JPH3: variants seen among roughly 807,000 people sequenced by gnomAD.
JPH3 encodes junctophilin-3.
A neutral mutation model predicts 59.6 loss-of-function variants in JPH3; 11 were observed. The observed-to-expected ratio is 0.18, with a 90% CI of 0.12 to 0.31. JPH3 has a LOEUF of 0.31. Ranked by LOEUF, JPH3 falls within the 10% of genes least tolerant of loss-of-function variation. JPH3 has a pLI of 1.00. For missense variants in JPH3, 1,202 were observed against 1,105.7 expected (o/e 1.09, Z -1.24); for synonymous variants, 673 against 483.6 (o/e 1.39, Z -5.14).
intron 2 of JPH3, chr16:87,654,926 T>A (rs2032443938): frequency 6.6e-6 from 1 of 152,242 alleles, no homozygotes; most frequent in Non-Finnish European, 1.5e-5. Context: ...CAAGAACGTG[T>A]GATAAATCCC....
intron 1 of JPH3, among the ~76,000 whole-genome samples, chr16:87,627,173 C>A (rs995168457): frequency 6.6e-6 from 1 of 152,140 alleles, no homozygotes; most frequent in Non-Finnish European, 1.5e-5. Flanking sequence ...GCCTCTTTGC[C>A]CTAGAGCCGT....
intron 4 of JPH3, chr16:87,694,507 C>T (rs969823275): frequency 2.6e-5 from 4 of 152,230 alleles, no homozygotes; most frequent in African/African-American, 9.6e-5. Flanking sequence ...AGAGGGAGTT[C>T]TCCGGGCAAG....
At chr16:87,641,189 T>G (rs2031938662) in intron 1 of JPH3, among the ~76,000 whole-genome samples, 1 of 152,154 alleles carries the variant, frequency 6.6e-6, no homozygotes, top group Non-Finnish European at 1.5e-5. Flanking sequence ...TGCAGTGGTG[T>G]TGTGGGGTCC....
At chr16:87,690,639 G>A in intron 4 of JPH3, 113 bp downstream of exon 4, 1 of 1,131,948 alleles carries the variant, frequency 8.8e-7, no homozygotes, top group South Asian at 2.6e-5. Flanking sequence ...TCCTCTCCAG[G>A]GGTGGAGTAG....
At chr16:87,687,131 G>A (rs887118195) in intron 3 of JPH3, among the ~76,000 whole-genome samples, 2 of 152,182 alleles carry the variant, frequency 1.3e-5, no homozygotes, top group African/African-American at 4.8e-5. Flanking sequence ...CAGGATCAGT[G>A]TTCCCAGACC....
rs531446512 is a variant in JPH3 at position 87,689,626 on chromosome 16, C to T, written c.1286-20C>T. ...TGTGCTGGGTAACGCCGTCTGGCGT[C>T]GTCTTGTGTCCCCATACAGGGCTGG... is the stretch of plus-strand genomic sequence containing the variant. On this transcript the variant is annotated intron_variant, in intron 3 of 4. Coordinates refer to ENST00000284262, the MANE Select transcript of JPH3 (RefSeq NM_020655.4). 5.6e-6 allele frequency: 9 copies of T among 1,608,544 alleles called. No individual in the cohort carries two copies. Among genetic ancestry groups the T allele is most frequent in the East Asian group, 4.5e-5 (2 of 44,570 alleles).
intron 1 of JPH3, among the ~76,000 whole-genome samples, chr16:87,640,610 C>CT (rs2031916403): frequency 6.6e-6 from 1 of 152,064 alleles, no homozygotes; most frequent in South Asian, 2.1e-4. Context: ...CCAGCGTGGT[C>CT]TCTAACTCCT....
intron 3 of JPH3, among the ~76,000 whole-genome samples, chr16:87,687,107 G>A (rs780620216): frequency 3.3e-5 from 5 of 152,172 alleles, no homozygotes; most frequent in Non-Finnish European, 7.4e-5. Flanking sequence ...TCTTGTTTCC[G>A]CCTTGGATGC....
chr16:87,615,114 CACAT>C (rs1474136213), intron 1 of JPH3, among the ~76,000 whole-genome samples: 46 of 152,334 alleles, frequency 3.0e-4, no homozygotes, highest in African/African-American at 1.1e-3. Flanking sequence ...GGTCCCTGCA[CACAT>C]GAGGGTTGGT....
intron 2 of JPH3, among the ~76,000 whole-genome samples, chr16:87,657,773 C>A (rs898553585): frequency 6.9e-6 from 1 of 144,376 alleles, no homozygotes; most frequent in African/African-American, 2.9e-5. Context: ...CTGGGAGTTG[C>A]CCCGAGGACT....
chr16:87,625,710 A>T (rs948361358), intron 1 of JPH3, among the ~76,000 whole-genome samples: 1 of 152,160 alleles, frequency 6.6e-6, no homozygotes, highest in South Asian at 2.1e-4. Context: ...TGTCAACACC[A>T]GTGGGTACAG....
intron 1 of JPH3, among the ~76,000 whole-genome samples, chr16:87,636,902 C>T (rs970866149): frequency 1.2e-4 from 18 of 152,232 alleles, no homozygotes; most frequent in Admixed American, 6.5e-4. Flanking sequence ...TGACCTTCCC[C>T]GGCCATAGTA....
intron 1 of JPH3, among the ~76,000 whole-genome samples, chr16:87,607,216 G>A (rs905344609): frequency 1.3e-5 from 2 of 152,184 alleles, no homozygotes; most frequent in African/African-American, 2.4e-5. Context: ...CATGCATGCC[G>A]GTGCTGCACC....
chr16:87,683,595 T>G (rs2150874503), intron 2 of JPH3, among the ~76,000 whole-genome samples: 1 of 151,840 alleles, frequency 6.6e-6, no homozygotes, highest in East Asian at 1.9e-4. Flanking sequence ...TGAGCCACTG[T>G]GCCCAGCCCC....
At chr16:87,691,196 C>T (rs557530554) in intron 4 of JPH3, among the ~76,000 whole-genome samples, 9 of 152,010 alleles carry the variant, frequency 5.9e-5, no homozygotes, top group Middle Eastern at 3.4e-3. Flanking sequence ...ACTCGGTGTG[C>T]GAGGCTGGGG....
chr16:87,634,379 G>C (rs973430263), intron 1 of JPH3, among the ~76,000 whole-genome samples: 1 of 152,204 alleles, frequency 6.6e-6, no homozygotes, highest in African/African-American at 2.4e-5. Context: ...ATATGGGCCA[G>C]CCTGAGGGGT....
intron 1 of JPH3, among the ~76,000 whole-genome samples, chr16:87,628,406 CTGAG>C (rs1471915451): frequency 1.3e-5 from 2 of 152,366 alleles, no homozygotes; most frequent in East Asian, 3.9e-4. Context: ...GTCTGCCCTC[CTGAG>C]TGAGTGAGGG....
At chr16:87,665,873 G>A (rs1430283180) in intron 2 of JPH3, among the ~76,000 whole-genome samples, 2 of 152,192 alleles carry the variant, frequency 1.3e-5, no homozygotes, top group African/African-American at 2.4e-5. Context: ...CTGGGACACA[G>A]CCCTGTCCTC....
At position 87,675,111 on chromosome 16, in the gene JPH3, T is replaced by C. The variant is rs372867417; in HGVS notation, c.1161-9031T>C. The stretch of plus-strand genomic sequence containing the variant: ...AATATCCAGCCACAATCCCTGAGAA[T>C]AGCTAGGCAGTGGAAGGATGATTTC... On this transcript the variant is annotated intron_variant, in intron 2 of 4. Transcript: ENST00000284262. 5.0e-4 allele frequency among the ~76,000 whole-genome samples: 76 copies of C among 152,116 alleles called. 1 individual carries two copies. In the South Asian group the frequency reaches 7.5e-3, roughly 15 times the overall value.
Sources: allele counts gnomAD v4.1 joint callset (sites outside exome capture counted in the v4.1 genomes callset), GRCh38; gene constraint gnomAD v4.1.1; transcripts MANE v1.5; gene names NCBI Gene and HGNC (gene_info 2026-07-23, HGNC 2026-07-21).